The following CDH18 variants were observed in gnomAD, a reference collection of about 807,000 sequenced individuals.
The protein encoded by CDH18 is cadherin 18.
A neutral mutation model predicts 67.9 loss-of-function variants in CDH18; 31 were observed. The observed-to-expected ratio is 0.46, with a 90% CI of 0.34 to 0.62. The LOEUF (loss-of-function observed/expected upper bound fraction) is 0.62, where lower values mean the gene tolerates loss of function less well. Among genes scored for constraint, CDH18 ranks in the 20% least tolerant of loss-of-function variants. The pLI is 0.01. For missense variants in CDH18, 890 were observed against 975.5 expected, an observed-to-expected ratio of 0.91 and a Z score of 1.17; for synonymous variants, 362 against 347.2, an observed-to-expected ratio of 1.04 and a Z score of -0.48.
chr5:20,226,341 A>C (rs1167641245), intron 2 of CDH18, among the ~76,000 whole-genome samples: 1 of 152,152 alleles, frequency 6.6e-6, no homozygotes, highest in Non-Finnish European at 1.5e-5. Flanking sequence ...TTTGACAATC[A>C]GAGTTTCAAC....
At chr5:19,972,481 G>C (rs1798121092) in intron 2 of CDH18, among the ~76,000 whole-genome samples, 1 of 151,930 alleles carries the variant, frequency 6.6e-6, no homozygotes, top group Non-Finnish European at 1.5e-5. Context: ...AGCGAAAGTG[G>C]CAAATTAAAA....
chr5:19,587,862 T>C (rs1744439653), intron 7 of CDH18, among the ~76,000 whole-genome samples: 1 of 152,128 alleles, frequency 6.6e-6, no homozygotes, highest in Non-Finnish European at 1.5e-5. Context: ...GCACTGAATC[T>C]ATTGATTGCT....
intron 2 of CDH18, among the ~76,000 whole-genome samples, chr5:20,176,883 G>A (rs1006990598): frequency 2.0e-5 from 3 of 152,076 alleles, no homozygotes; most frequent in Non-Finnish European, 1.5e-5. Context: ...CCTAGGAGGT[G>A]CTTGTAAGTT....
chr5:19,832,517 C>T (rs62355795), intron 3 of CDH18, among the ~76,000 whole-genome samples: 11,804 of 151,964 alleles, frequency 0.078, 478 homozygotes, highest in African/African-American at 0.099. Flanking sequence ...TCCCTTCTCA[C>T]GTTTACAGTG....
intron 1 of CDH18, among the ~76,000 whole-genome samples, chr5:20,267,086 C>A (rs1206305756): frequency 6.6e-6 from 1 of 152,112 alleles, no homozygotes; most frequent in African/African-American, 2.4e-5. Flanking sequence ...AGGCAGTATT[C>A]ATGGTTCAGA....
chr5:19,844,499 G>A (rs903866923), intron 2 of CDH18, among the ~76,000 whole-genome samples: 1 of 152,146 alleles, frequency 6.6e-6, no homozygotes, highest in African/African-American at 2.4e-5. Flanking sequence ...GCGGAACTGT[G>A]AGTCAATTAA....
At chr5:20,231,216 T>G (rs1253177375) in intron 2 of CDH18, among the ~76,000 whole-genome samples, 3 of 152,212 alleles carry the variant, frequency 2.0e-5, no homozygotes, top group Non-Finnish European at 2.9e-5. Flanking sequence ...AAAGTAAAAC[T>G]TTAGGGGGTT....
intron 11 of CDH18, among the ~76,000 whole-genome samples, chr5:19,486,060 T>C (rs1313038677): frequency 6.6e-6 from 1 of 152,152 alleles, no homozygotes; most frequent in African/African-American, 2.4e-5. Flanking sequence ...AAGATGTTCA[T>C]TCCTGTTTTT....
At chr5:20,170,899 T>G (rs1041303294) in intron 2 of CDH18, among the ~76,000 whole-genome samples, 1 of 152,062 alleles carries the variant, frequency 6.6e-6, no homozygotes, top group African/African-American at 2.4e-5. Flanking sequence ...GTTGTTTCCA[T>G]TTTTGTGTCC....
chr5:19,931,369 T>A (rs1793675269), intron 2 of CDH18, among the ~76,000 whole-genome samples: 1 of 151,942 alleles, frequency 6.6e-6, no homozygotes, highest in African/African-American at 2.4e-5. Flanking sequence ...AAAAGTCATT[T>A]CTGACTCCAA....
chr5:19,778,762 G>T (rs896125011), intron 3 of CDH18, among the ~76,000 whole-genome samples: 1 of 152,084 alleles, frequency 6.6e-6, no homozygotes, highest in African/African-American at 2.4e-5. Context: ...AAAATTTAAG[G>T]CTTTCCCTGT....
intron 1 of CDH18, among the ~76,000 whole-genome samples, chr5:20,419,249 G>T (rs1747616482): frequency 6.6e-6 from 1 of 151,970 alleles, no homozygotes; most frequent in Admixed American, 6.6e-5. Flanking sequence ...TTCTGAGGCT[G>T]CCCAGGCCTC....
At chr5:20,457,897 C>G (rs748899624) in intron 1 of CDH18, among the ~76,000 whole-genome samples, 3 of 151,990 alleles carry the variant, frequency 2.0e-5, no homozygotes, top group Non-Finnish European at 4.4e-5. Context: ...GGAAGCAATG[C>G]AAAAGGAATA....
At chr5:19,476,851 C>G (rs936403122) in intron 12 of CDH18, among the ~76,000 whole-genome samples, 1 of 151,914 alleles carries the variant, frequency 6.6e-6, no homozygotes, top group South Asian at 2.1e-4. Flanking sequence ...AATATTTGTG[C>G]AATTTTTCAA....
At chr5:20,206,954 C>T (rs188294069) in intron 2 of CDH18, among the ~76,000 whole-genome samples, 1 of 152,018 alleles carries the variant, frequency 6.6e-6, no homozygotes, top group Admixed American at 6.6e-5. Context: ...TGCCCATTAT[C>T]TCTACTTTTA....
chr5:20,399,091 G>T (rs1463992472), intron 1 of CDH18, among the ~76,000 whole-genome samples: 1 of 152,178 alleles, frequency 6.6e-6, no homozygotes, highest in Non-Finnish European at 1.5e-5. Context: ...ACCATGGAAA[G>T]TCTGATCACG....
intron 2 of CDH18, among the ~76,000 whole-genome samples, chr5:19,852,020 TAAA>T (rs1783764642): frequency 6.6e-6 from 1 of 152,052 alleles, no homozygotes; most frequent in Non-Finnish European, 1.5e-5. Flanking sequence ...CAAATAGGAA[TAAA>T]ATGGATTATT....
intron 1 of CDH18, among the ~76,000 whole-genome samples, chr5:20,352,535 C>G (rs1741274785): frequency 6.7e-6 from 1 of 149,826 alleles, no homozygotes; most frequent in East Asian, 2.0e-4. Flanking sequence ...AATCCCAGCA[C>G]TTTCGGAGGT....
intron 5 of CDH18, among the ~76,000 whole-genome samples, chr5:19,613,322 C>T (rs1421048855): frequency 6.6e-6 from 1 of 152,090 alleles, no homozygotes; most frequent in Non-Finnish European, 1.5e-5. Flanking sequence ...TACATAGCTT[C>T]CTGGCAGAGT....
Sources: gnomAD v4.1 joint callset for allele counts (sites outside exome capture counted in the v4.1 genomes callset) on GRCh38, gnomAD v4.1.1 for gene constraint, MANE v1.5 for transcripts, NCBI Gene and HGNC (gene_info 2026-07-23, HGNC 2026-07-21) for gene names.